Variants in PACS1 observed in about 807,000 individuals in gnomAD.
PACS1 encodes the protein phosphofurin acidic cluster sorting protein 1, also known as PACS-1.
Under a neutral mutation model 115.0 loss-of-function variants are expected in PACS1, and 24 were observed. The ratio of observed to expected loss-of-function variants is 0.21; its 90% CI spans 0.15 to 0.29. PACS1 has a LOEUF of 0.29. Among genes scored for constraint, PACS1 ranks in the 10% least tolerant of loss-of-function variants. The pLI is 1.00. For missense variants in PACS1, 838 were observed against 1,251.2 expected (o/e 0.67, Z 4.98); for synonymous variants, 453 against 504.5 (o/e 0.90, Z 1.37).
chr11:66,156,720 G>C (rs1314595660), intron 1 of PACS1, among the ~76,000 whole-genome samples: 2 of 152,150 alleles, frequency 1.3e-5, no homozygotes, highest in East Asian at 3.9e-4. Flanking sequence ...CGGGCGTGGT[G>C]GTGGGCACCT....
intron 1 of PACS1, among the ~76,000 whole-genome samples, chr11:66,138,479 T>G (rs927713105): frequency 1.3e-5 from 2 of 152,154 alleles, no homozygotes; most frequent in Non-Finnish European, 2.9e-5. Context: ...TCAAGTGACA[T>G]GCCCCACGAA....
intron 2 of PACS1, among the ~76,000 whole-genome samples, chr11:66,204,842 G>T (rs949653241): frequency 1.3e-5 from 2 of 151,982 alleles, no homozygotes; most frequent in African/African-American, 4.8e-5. Context: ...AACATAGAAT[G>T]AATAAGACCT....
At chr11:66,131,160 A>G (rs549187) in intron 1 of PACS1, among the ~76,000 whole-genome samples, 98,641 of 152,094 alleles carry the variant, frequency 0.65, 34,255 homozygotes, top group Non-Finnish European at 0.76. Flanking sequence ...CTGGCTAAAT[A>G]CCAACAAGTA....
intron 1 of PACS1, among the ~76,000 whole-genome samples, chr11:66,087,087 C>A (rs918396672): frequency 1.3e-5 from 2 of 152,066 alleles, no homozygotes; most frequent in Non-Finnish European, 2.9e-5. Flanking sequence ...AACAACATTA[C>A]CAACGCCCCA....
chr11:66,073,364 C>G (rs1229560311), intron 1 of PACS1, among the ~76,000 whole-genome samples: 1 of 152,124 alleles, frequency 6.6e-6, no homozygotes, highest in African/African-American at 2.4e-5. Flanking sequence ...GTAACTCAAA[C>G]GGGACACAAA....
At chr11:66,141,614 A>G (rs1416310420) in intron 1 of PACS1, among the ~76,000 whole-genome samples, 1 of 149,884 alleles carries the variant, frequency 6.7e-6, no homozygotes, top group Non-Finnish European at 1.5e-5. Flanking sequence ...AGATCACACC[A>G]CTGTACTCTA....
chr11:66,198,918 CTG>C (rs1431057622), intron 2 of PACS1, among the ~76,000 whole-genome samples: 8 of 152,138 alleles, frequency 5.3e-5, no homozygotes, highest in East Asian at 1.9e-4. Context: ...TTTAAAATAT[CTG>C]TTTTAATTCA....
chr11:66,208,292 C>T (rs748999621), intron 2 of PACS1, among the ~76,000 whole-genome samples: 1 of 152,108 alleles, frequency 6.6e-6, no homozygotes, highest in East Asian at 1.9e-4. Context: ...GCTGAAGACA[C>T]GTGAGAGATG....
rs374366467 is a variant in PACS1, at chr11:66,193,778, C to T, written c.444+205C>T. ...GTTAGGGCACTCAGTTTCTTCAAAC[C>T]TATCTTTGTCTGAAGAACAGAAATG... On this transcript the variant is annotated intron_variant, in intron 2 of 23. Coordinates refer to ENST00000320580, the MANE Select transcript of PACS1 (RefSeq NM_018026.4). Among the ~76,000 whole-genome samples, 17 of 152,302 alleles carry T rather than the reference C, an allele frequency of 1.1e-4. No homozygotes were observed. The South Asian group carries it at 3.5e-3, about 32-fold the overall frequency.
chr11:66,147,357 C>G (rs938202704), intron 1 of PACS1, among the ~76,000 whole-genome samples: 5 of 151,622 alleles, frequency 3.3e-5, no homozygotes, highest in Admixed American at 3.3e-4. Context: ...GTTTTTTTGA[C>G]TGAGAGGAAA....
At chr11:66,116,525 C>T (rs906819649) in intron 1 of PACS1, among the ~76,000 whole-genome samples, 4 of 152,192 alleles carry the variant, frequency 2.6e-5, no homozygotes, top group Non-Finnish European at 5.9e-5. Context: ...AGCAACTATT[C>T]TATACCAGGC....
chr11:66,219,122 C>T (rs1855281136), intron 7 of PACS1, among the ~76,000 whole-genome samples: 1 of 151,812 alleles, frequency 6.6e-6, no homozygotes, highest in African/African-American at 2.4e-5. Flanking sequence ...GGGAGAAAGA[C>T]CAGAAGCAGG....
At chr11:66,230,281 C>G in intron 11 of PACS1, 1 of 495,570 alleles carries the variant, frequency 2.0e-6, no homozygotes, top group African/African-American at 1.9e-5. Context: ...GATCATCAGT[C>G]CACTCTTCTT....
intron 2 of PACS1, among the ~76,000 whole-genome samples, chr11:66,196,300 C>T (rs1331439663): frequency 2.0e-5 from 3 of 152,236 alleles, no homozygotes; most frequent in Non-Finnish European, 4.4e-5. Flanking sequence ...TATTATATCT[C>T]AACCTTGAGT....
intron 1 of PACS1, among the ~76,000 whole-genome samples, chr11:66,135,446 C>T (rs777154496): frequency 6.6e-6 from 1 of 152,188 alleles, no homozygotes; most frequent in Non-Finnish European, 1.5e-5. Context: ...CCTCAGCTTT[C>T]TCCAACTAAA....
rs1480076959 is a variant in PACS1 at position 66,070,344 on chromosome 11, C to T, written c.-143C>T. 8.9e-6 allele frequency: 3 copies of T among 335,298 alleles called. No homozygotes were observed. Among genetic ancestry groups the T allele is most frequent in the Non-Finnish European group, 1.4e-5 (3 of 208,854 alleles). The allele number at this position is 335,298 out of a possible 1,614,324, so 20.8% of individuals were successfully genotyped here. A position where few individuals can be genotyped will look rare whatever the true frequency, so the allele number is the denominator to read the frequency against. On this transcript the variant is annotated 5_prime_UTR_variant, in exon 1 of 24. Coordinates refer to ENST00000320580, the MANE Select transcript of PACS1 (RefSeq NM_018026.4). This position sits in a 1 kb window ranked among gnomAD's most constrained non-coding sequence, Gnocchi z 5.9. ...GAGGCCCGCGCGCCCAGAGGCCCCGCGCGTGCGTGCAGCTCGCTGGCTGCT... is the reference window on the plus strand; with the variant it reads ...GAGGCCCGCGCGCCCAGAGGCCCCGTGCGTGCGTGCAGCTCGCTGGCTGCT...
chr11:66,162,281 C>T (rs2134627271), intron 1 of PACS1, among the ~76,000 whole-genome samples: 1 of 151,988 alleles, frequency 6.6e-6, no homozygotes, highest in Non-Finnish European at 1.5e-5. Flanking sequence ...GCCACCACGC[C>T]AGGCTAATTT....
chr11:66,119,137 G>T (rs143241991), intron 1 of PACS1, among the ~76,000 whole-genome samples: 1 of 152,158 alleles, frequency 6.6e-6, no homozygotes. Flanking sequence ...TCTTCTGACC[G>T]GTAGCGTTAA....
intron 1 of PACS1, among the ~76,000 whole-genome samples, chr11:66,139,300 T>C (rs1182360513): frequency 6.6e-6 from 1 of 152,176 alleles, no homozygotes; most frequent in East Asian, 1.9e-4. Context: ...AAGTGGGGTG[T>C]CCAACTCAAG....
Sources: allele counts gnomAD v4.1 joint callset (sites outside exome capture counted in the v4.1 genomes callset), GRCh38; gene constraint gnomAD v4.1.1; non-coding constraint Gnocchi (gnomAD v3.1); transcripts MANE v1.5; gene names NCBI Gene and HGNC (gene_info 2026-07-23, HGNC 2026-07-21).